ASAP1: variants seen among roughly 807,000 people sequenced by gnomAD.
ASAP1 encodes the protein arf-GAP with SH3 domain, ANK repeat and PH domain-containing protein 1.
In ASAP1, 43 loss-of-function variants were observed where a neutral mutation model predicts 145.2. The ratio of observed to expected loss-of-function variants is 0.30; its 90% CI spans 0.23 to 0.38. The LOEUF (loss-of-function observed/expected upper bound fraction) is 0.38. Among genes scored for constraint, ASAP1 ranks in the 10% least tolerant of loss-of-function variants. The pLI is 1.00. For missense variants in ASAP1, 1,018 were observed against 1,355.3 expected, an observed-to-expected ratio of 0.75 and a Z score of 3.91; for synonymous variants, 546 against 515.5, an observed-to-expected ratio of 1.06 and a Z score of -0.80.
chr8:130,421,321 C>T (rs568224020), intron 1 of ASAP1, among the ~76,000 whole-genome samples: 3 of 152,292 alleles, frequency 2.0e-5, no homozygotes, highest in African/African-American at 7.2e-5. Context: ...CCAAGCCAAA[C>T]ATTCCCCATC....
chr8:130,299,599 T>A (rs867383878), intron 3 of ASAP1, among the ~76,000 whole-genome samples: 1 of 152,146 alleles, frequency 6.6e-6, no homozygotes, highest in African/African-American at 2.4e-5. Flanking sequence ...CTGCTATCAT[T>A]CTCCATAAAT....
intron 9 of ASAP1, among the ~76,000 whole-genome samples, chr8:130,172,313 T>G (rs1447779725): frequency 6.6e-6 from 1 of 152,246 alleles, no homozygotes; most frequent in African/African-American, 2.4e-5. Flanking sequence ...TTAATCTTTA[T>G]GCTTTAAAAA....
At chr8:130,135,560 C>T (rs2097592639) in intron 14 of ASAP1, among the ~76,000 whole-genome samples, 1 of 152,176 alleles carries the variant, frequency 6.6e-6, no homozygotes, top group South Asian at 2.1e-4. Flanking sequence ...GTGGCAGAGC[C>T]TGAGAGCTTT....
chr8:130,406,107 T>C (rs1459252926), intron 1 of ASAP1, among the ~76,000 whole-genome samples: 1 of 152,228 alleles, frequency 6.6e-6, no homozygotes, highest in African/African-American at 2.4e-5. Context: ...GTTGTTGTTG[T>C]TAAGGGTAAA....
chr8:130,323,717 T>C (rs1401301111), intron 3 of ASAP1, among the ~76,000 whole-genome samples: 1 of 152,154 alleles, frequency 6.6e-6, no homozygotes, highest in African/African-American at 2.4e-5. Flanking sequence ...TATCATACTA[T>C]ATTAAAATTA....
intron 27 of ASAP1, among the ~76,000 whole-genome samples, chr8:130,074,626 G>A (rs1271832232): frequency 6.6e-6 from 1 of 152,188 alleles, no homozygotes; most frequent in Non-Finnish European, 1.5e-5. Flanking sequence ...ACCTGCTGGA[G>A]TCTGTCCCCG....
chr8:130,183,876 A>G (rs1040900733), intron 7 of ASAP1, among the ~76,000 whole-genome samples: 4 of 152,196 alleles, frequency 2.6e-5, no homozygotes, highest in Non-Finnish European at 5.9e-5. Context: ...ACGCCATCCC[A>G]GGATGGCAGC....
intron 3 of ASAP1, among the ~76,000 whole-genome samples, chr8:130,298,166 C>T (rs1390641693): frequency 6.6e-6 from 1 of 152,182 alleles, no homozygotes; most frequent in East Asian, 1.9e-4. Context: ...ATGGATACTG[C>T]ACAACCAATC....
At chr8:130,284,878 C>CA (rs1821505613) in intron 3 of ASAP1, among the ~76,000 whole-genome samples, 1 of 147,302 alleles carries the variant, frequency 6.8e-6, no homozygotes, top group African/African-American at 2.5e-5. Context: ...CACACACACA[C>CA]ACCATACTGA....
chr8:130,226,573 TG>T (rs1187093385), intron 4 of ASAP1, among the ~76,000 whole-genome samples: 1 of 152,228 alleles, frequency 6.6e-6, no homozygotes, highest in Non-Finnish European at 1.5e-5. Context: ...ACTTTGGAGT[TG>T]TTCTTTCAAA....
At chr8:130,205,267 C>A (rs1335657737) in intron 5 of ASAP1, among the ~76,000 whole-genome samples, 1 of 151,866 alleles carries the variant, frequency 6.6e-6, no homozygotes, top group Admixed American at 6.6e-5. Flanking sequence ...CGTGCATACA[C>A]CCTTTAGACA....
intron 15 of ASAP1, 89 bp downstream of exon 15, chr8:130,134,207 C>T (rs1033454815): frequency 1.9e-6 from 2 of 1,079,732 alleles, no homozygotes; most frequent in Non-Finnish European, 2.7e-6. Context: ...GAGGTTCTTA[C>T]AAATGAAAAG....
At chr8:130,130,956 ACCATCCTGGCTAACACGGTGAAACC>A (rs1400034672) in intron 15 of ASAP1, among the ~76,000 whole-genome samples, 3 of 152,170 alleles carry the variant, frequency 2.0e-5, no homozygotes, top group Non-Finnish European at 4.4e-5. Flanking sequence ...GGAGATCGAG[ACCATCCTGGCTAACACGGTGAAACC>A]CCATCTCTAC....
intron 16 of ASAP1, 61 bp downstream of exon 16, chr8:130,127,866 T>G: frequency 6.3e-7 from 1 of 1,577,470 alleles, no homozygotes; most frequent in Non-Finnish European, 8.6e-7. Context: ...CTAGATCGTT[T>G]TATATTCTAC....
intron 9 of ASAP1, among the ~76,000 whole-genome samples, chr8:130,176,008 G>T (rs1813924289): frequency 6.6e-6 from 1 of 152,202 alleles, no homozygotes; most frequent in African/African-American, 2.4e-5. Flanking sequence ...TGAACTGGAG[G>T]ATATGTCTGT....
intron 9 of ASAP1, among the ~76,000 whole-genome samples, chr8:130,174,091 CAAAA>C (rs57123447): frequency 0.021 from 1,315 of 62,740 alleles, 2 homozygotes; most frequent in Non-Finnish European, 0.029. Flanking sequence ...ACTCCGTCTC[CAAAA>C]AAAAAAAAAA....
At position 130,205,580 on chromosome 8, in the gene ASAP1, A is replaced by ATC. The variant is rs562633517; in HGVS notation, c.405+8975_405+8976insGA. On this transcript the variant is annotated intron_variant, in intron 5 of 29. Coordinates refer to ENST00000518721, the MANE Select transcript of ASAP1 (RefSeq NM_018482.4). ...AGAGCAAATTTGCATATATATATAT[A>ATC]AAATACACGGCTTTTTTTTTTTTTT... 5.5e-4 allele frequency among the ~76,000 whole-genome samples: 79 copies of ATC among 144,366 alleles called. 1 individual carries two copies. The South Asian group carries it at 0.017, about 31-fold the overall frequency. 94.7% of individuals were successfully genotyped at this position (144,366 alleles called of 152,430 possible).
intron 24 of ASAP1, among the ~76,000 whole-genome samples, chr8:130,095,033 T>C (rs1186343579): frequency 1.3e-5 from 2 of 152,206 alleles, no homozygotes; most frequent in African/African-American, 2.4e-5. Context: ...CCTGTAACCA[T>C]AAACCATGTA....
chr8:130,181,841 C>G (rs1332632699), intron 7 of ASAP1, among the ~76,000 whole-genome samples: 1 of 152,172 alleles, frequency 6.6e-6, no homozygotes, highest in Non-Finnish European at 1.5e-5. Context: ...TCAGAAACAA[C>G]CTGTAATTTC....
Sources: allele counts gnomAD v4.1 joint callset (sites outside exome capture counted in the v4.1 genomes callset), GRCh38; gene constraint gnomAD v4.1.1; transcripts MANE v1.5; gene names NCBI Gene and HGNC (gene_info 2026-07-23, HGNC 2026-07-21).